CSMD1: variants seen among roughly 807,000 people sequenced by gnomAD.
The protein encoded by CSMD1 is CUB and sushi domain-containing protein 1.
A neutral mutation model predicts 417.5 loss-of-function variants in CSMD1; 213 were observed. That is an observed-to-expected ratio of 0.51 (90% CI 0.46 to 0.57). CSMD1 has a LOEUF of 0.57. Ranked by LOEUF, CSMD1 falls within the 20% of genes least tolerant of loss-of-function variation. The pLI is 0.00. For missense variants in CSMD1, 6,923 were observed against 4,529.7 expected (o/e 1.53, Z -15.17); for synonymous variants, 2,862 against 1,736.8 (o/e 1.65, Z -16.11).
intron 1 of CSMD1, among the ~76,000 whole-genome samples, chr8:4,848,824 G>A (rs758542752): frequency 2.6e-5 from 4 of 152,166 alleles, no homozygotes; most frequent in Non-Finnish European, 4.4e-5. Flanking sequence ...GATTACAGGC[G>A]TGAGCCAACG....
intron 2 of CSMD1, among the ~76,000 whole-genome samples, chr8:4,601,505 G>A (rs1800580606): frequency 6.6e-6 from 1 of 152,156 alleles, no homozygotes; most frequent in Non-Finnish European, 1.5e-5. Context: ...AATAGACAAG[G>A]AGGGACAGAG....
At chr8:3,848,599 C>G (rs892432090) in intron 5 of CSMD1, among the ~76,000 whole-genome samples, 15 of 152,244 alleles carry the variant, frequency 9.9e-5, no homozygotes, top group African/African-American at 3.6e-4. Flanking sequence ...TTGAACTGCT[C>G]AATTTCCCTC....
intron 12 of CSMD1, among the ~76,000 whole-genome samples, chr8:3,436,091 G>T (rs564030929): frequency 6.6e-6 from 1 of 152,028 alleles, no homozygotes; most frequent in Non-Finnish European, 1.5e-5. Context: ...CCACCCTAAG[G>T]AGCAGAGGCT....
Position 4,859,503 on chromosome 8 carries a change from C to T in CSMD1, c.85+134829G>A, listed in dbSNP as rs1175926237. Among the ~76,000 whole-genome samples the T allele has an allele frequency of 3.3e-5, 5 of 152,240 alleles. No individual in the cohort carries two copies. In the Middle Eastern group the frequency reaches 0.01, roughly 311 times the overall value. Reference sequence around the variant, plus strand: ...ACACAATGGGAGAAAATTCTCGCAACCTACTCATCTGACCAAGGGCAATAT... The same window carrying T: ...ACACAATGGGAGAAAATTCTCGCAATCTACTCATCTGACCAAGGGCAATAT... On this transcript the variant is annotated intron_variant, in intron 1 of 69. Transcript: ENST00000635120.
intron 3 of CSMD1, among the ~76,000 whole-genome samples, chr8:4,357,424 T>C (rs1414826483): frequency 6.6e-6 from 1 of 152,152 alleles, no homozygotes; most frequent in Non-Finnish European, 1.5e-5. Context: ...GCCAGAAATA[T>C]TAAGAGTTTA....
chr8:3,349,412 C>G (rs1808241926), intron 21 of CSMD1, among the ~76,000 whole-genome samples: 2 of 152,082 alleles, frequency 1.3e-5, no homozygotes. Context: ...CGTTGAATCT[C>G]AGAATGCCTC....
intron 33 of CSMD1, among the ~76,000 whole-genome samples, chr8:3,191,187 G>A (rs149026366): frequency 6.2e-4 from 94 of 152,338 alleles, no homozygotes; most frequent in African/African-American, 1.9e-3. Flanking sequence ...GGGTGCAGTG[G>A]CGCAAGCCTG....
At chr8:4,948,330 T>C (rs980377830) in intron 1 of CSMD1, among the ~76,000 whole-genome samples, 1 of 152,102 alleles carries the variant, frequency 6.6e-6, no homozygotes, top group African/African-American at 2.4e-5. Flanking sequence ...TTTTTTGAAG[T>C]GTCAATTCAA....
At chr8:3,526,824 G>C (rs1797772968) in intron 10 of CSMD1, among the ~76,000 whole-genome samples, 1 of 152,150 alleles carries the variant, frequency 6.6e-6, no homozygotes, top group South Asian at 2.1e-4. Context: ...GTAACAACCT[G>C]TATTCTCCTT....
At chr8:4,970,638 T>A (rs745392888) in intron 1 of CSMD1, among the ~76,000 whole-genome samples, 63 of 152,124 alleles carry the variant, frequency 4.1e-4, no homozygotes, top group Non-Finnish European at 8.1e-4. Flanking sequence ...TTGTGTGACT[T>A]AAACACATCA....
chr8:4,446,755 C>CTGTGTGTGTGTGTGTGTGTGTGTCTG (rs1798826191), intron 2 of CSMD1, among the ~76,000 whole-genome samples: 7 of 132,950 alleles, frequency 5.3e-5, no homozygotes, highest in African/African-American at 2.0e-4. Context: ...GTGTGTGTGT[C>CTGTGTGTGTGTGTGTGTGTGTGTCTG]TGTGTGTGTG....
intron 5 of CSMD1, among the ~76,000 whole-genome samples, chr8:3,791,458 A>G (rs571663621): frequency 1.3e-5 from 2 of 152,312 alleles, no homozygotes; most frequent in African/African-American, 4.8e-5. Context: ...GCTGATACGT[A>G]GCTTGTAATA....
At chr8:4,886,364 T>C (rs988493846) in intron 1 of CSMD1, among the ~76,000 whole-genome samples, 8 of 151,984 alleles carry the variant, frequency 5.3e-5, no homozygotes, top group Admixed American at 5.2e-4. Flanking sequence ...TATAAATGTA[T>C]ATTCCTTAAT....
intron 7 of CSMD1, among the ~76,000 whole-genome samples, chr8:3,654,446 A>T (rs995661099): frequency 6.6e-6 from 1 of 152,220 alleles, no homozygotes. Flanking sequence ...TAGGGAAAAG[A>T]TAATGGTACA....
intron 3 of CSMD1, among the ~76,000 whole-genome samples, chr8:4,360,021 T>G (rs969431572): frequency 2.0e-5 from 3 of 152,196 alleles, no homozygotes; most frequent in Admixed American, 6.5e-5. Context: ...GTTCCAGCTC[T>G]CTTCCCTGTC....
intron 7 of CSMD1, among the ~76,000 whole-genome samples, chr8:3,663,775 CTGAT>C (rs1477404026): frequency 6.6e-6 from 1 of 152,158 alleles, no homozygotes; most frequent in Non-Finnish European, 1.5e-5. Context: ...CTCACATATG[CTGAT>C]TGATGTCTCA....
At chr8:4,841,930 A>AACAAAAAAC (rs1554499186) in intron 1 of CSMD1, among the ~76,000 whole-genome samples, 1 of 122,426 alleles carries the variant, frequency 8.2e-6, no homozygotes, top group African/African-American at 3.3e-5. Flanking sequence ...AAAAAAAAAA[A>AACAAAAAAC]AAAAAAAAGT....
At chr8:3,051,768 A>ATACCT (rs1307119544) in intron 50 of CSMD1, among the ~76,000 whole-genome samples, 1 of 152,210 alleles carries the variant, frequency 6.6e-6, no homozygotes, top group African/African-American at 2.4e-5. Context: ...ATTTGAGTCT[A>ATACCT]GTTTTAATAT....
chr8:3,781,880 T>C (rs1046945103), intron 5 of CSMD1, among the ~76,000 whole-genome samples: 2 of 152,214 alleles, frequency 1.3e-5, no homozygotes, highest in Non-Finnish European at 2.9e-5. Flanking sequence ...CTATTTTTTT[T>C]CACTTAAATT....
Sources: allele counts gnomAD v4.1 joint callset (sites outside exome capture counted in the v4.1 genomes callset), GRCh38; gene constraint gnomAD v4.1.1; transcripts MANE v1.5; gene names NCBI Gene and HGNC (gene_info 2026-07-23, HGNC 2026-07-21).